The following MVB12B variants were observed in gnomAD, a reference collection of about 807,000 sequenced individuals.
MVB12B encodes ESCRT-I complex subunit MVB12B.
MVB12B carries 16 observed loss-of-function variants against 41.6 expected under a neutral mutation model. The observed-to-expected ratio is 0.38, with a 90% CI of 0.26 to 0.58. The LOEUF is 0.58. Among genes scored for constraint, MVB12B ranks in the 20% least tolerant of loss-of-function variants. The pLI is 0.62. For missense variants in MVB12B, 274 were observed against 380.2 expected (o/e 0.72, Z 2.32); for synonymous variants, 133 against 139.7 (o/e 0.95, Z 0.34).
At chr9:126,339,065 CAG>C (rs1024993902) in intron 1 of MVB12B, among the ~76,000 whole-genome samples, 5 of 152,158 alleles carry the variant, frequency 3.3e-5, no homozygotes, top group Non-Finnish European at 7.3e-5. Context: ...TTGTTGTAAA[CAG>C]AAGAGGAGAC....
intron 2 of MVB12B, among the ~76,000 whole-genome samples, chr9:126,354,439 A>G (rs530327427): frequency 6.6e-6 from 1 of 152,344 alleles, no homozygotes; most frequent in Non-Finnish European, 1.5e-5. Context: ...TGCTAAAACT[A>G]GGAGGTGATA....
Position 126,441,278 on chromosome 9 carries a change from T to G in MVB12B, c.757+19330T>G, listed in dbSNP as rs1035689321. On this transcript the variant is annotated intron_variant, in intron 7 of 9. Coordinates refer to ENST00000361171, the MANE Select transcript of MVB12B (RefSeq NM_033446.3). The stretch of plus-strand genomic sequence containing the variant: ...GAAGGCGAAACAAAAGGGAGCATAA[T>G]AGAGAGAGGCACGGATCCCAGAGCT... Among the ~76,000 whole-genome samples, 9 of 152,184 alleles carry G rather than the reference T, an allele frequency of 5.9e-5. No homozygotes were observed. In the East Asian group the frequency reaches 1.7e-3, roughly 29 times the overall value.
In MVB12B at chr9:126,473,673, A is replaced by G. The variant is rs1460836174; in HGVS notation, c.758-7696A>G. ...CAGATCTCGCGAGGACTCACTCGCT[A>G]TCACAAGGACAGCACCACGGGGAAG... On this transcript the variant is annotated intron_variant, in intron 7 of 9. Transcript: ENST00000361171. The surrounding 1 kb of genome is among the most constrained non-coding windows in gnomAD (Gnocchi z 4.0). Among the ~76,000 whole-genome samples, 2 of 152,222 alleles carry G rather than the reference A, an allele frequency of 1.3e-5. No individual in the cohort carries two copies. The highest frequency in any genetic ancestry group is 2.9e-5 in the Non-Finnish European group (2 of 68,034).
At chr9:126,428,531 A>G (rs1166137875) in intron 7 of MVB12B, among the ~76,000 whole-genome samples, 1 of 152,138 alleles carries the variant, frequency 6.6e-6, no homozygotes, top group African/African-American at 2.4e-5. Flanking sequence ...GGGAAATTGA[A>G]AATAAACTTA....
rs573631718 is a variant in MVB12B at position 126,503,691 on chromosome 9, C to T, written c.*428C>T. 5.5e-5 allele frequency: 11 copies of T among 199,116 alleles called. No individual in the cohort carries two copies. Among genetic ancestry groups the T allele is most frequent in the African/African-American group, 2.6e-4 (11 of 42,780 alleles). 12.3% of individuals were successfully genotyped at this position (199,116 alleles called of 1,614,324 possible). The stretch of plus-strand genomic sequence containing the variant: ...CCGTTGAGTCTCTTCCTGGAAGACC[C>T]TGAGGGCCGGCAGCTTTGCCTAGGA... On this transcript the variant is annotated 3_prime_UTR_variant, in exon 10 of 10. Transcript: ENST00000361171.
chr9:126,336,825 C>T (rs780220637), intron 1 of MVB12B, among the ~76,000 whole-genome samples: 33 of 152,118 alleles, frequency 2.2e-4, no homozygotes, highest in Non-Finnish European at 3.5e-4. Flanking sequence ...GCAGACAACA[C>T]TGCCTGAACT....
chr9:126,375,397 G>GGTGC (rs774462136), intron 2 of MVB12B, among the ~76,000 whole-genome samples: 3 of 59,290 alleles, frequency 5.1e-5, no homozygotes, highest in Non-Finnish European at 9.8e-5. Context: ...AATAGCCTTA[G>GGTGC]GTGCATTGTT....
Position 126,503,505 on chromosome 9 carries a change from A to C in MVB12B, c.*242A>C. The stretch of plus-strand genomic sequence containing the variant: ...CTAATCTGTGTGTGCTGTAGTGACC[A>C]GCGGCTCCTAACGTGTCTGTGTGAT... On this transcript the variant is annotated 3_prime_UTR_variant, in exon 10 of 10. Coordinates refer to ENST00000361171, the MANE Select transcript of MVB12B (RefSeq NM_033446.3). The C allele has an allele frequency of 1.8e-6, 1 of 558,410 alleles. No individual in the cohort carries two copies. Among genetic ancestry groups the C allele is most frequent in the Non-Finnish European group, 3.2e-6 (1 of 313,884 alleles). 34.6% of individuals were successfully genotyped at this position (558,410 alleles called of 1,614,324 possible). A position where few individuals can be genotyped will look rare whatever the true frequency, so the allele number is the denominator to read the frequency against.
rs932955173 is a variant in MVB12B at position 126,392,702 on chromosome 9, G to A, written c.539+507G>A. 3.1e-4 allele frequency among the ~76,000 whole-genome samples: 47 copies of A among 152,358 alleles called. No homozygotes were observed. Among genetic ancestry groups the A allele is most frequent in the African/African-American group, 1.0e-3 (43 of 41,586 alleles). ...CAATGATGGAGTGGGGGCCTCTTCCGTGAGGGGGTCAGGAAGGTGACACTT... is the reference window on the plus strand; with the variant it reads ...CAATGATGGAGTGGGGGCCTCTTCCATGAGGGGGTCAGGAAGGTGACACTT... On this transcript the variant is annotated intron_variant, in intron 5 of 9. Coordinates refer to ENST00000361171, the MANE Select transcript of MVB12B (RefSeq NM_033446.3). This position sits in a 1 kb window ranked among gnomAD's most constrained non-coding sequence, Gnocchi z 4.8.
chr9:126,480,325 C>T lies in MVB12B; in HGVS notation c.758-1044C>T, dbSNP rs1219959193. Among the ~76,000 whole-genome samples the T allele has an allele frequency of 2.0e-5, 3 of 152,210 alleles. No individual in the cohort carries two copies. The highest frequency in any genetic ancestry group is 7.2e-5 in the African/African-American group (3 of 41,446). On this transcript the variant is annotated intron_variant, in intron 7 of 9. Coordinates refer to ENST00000361171, the MANE Select transcript of MVB12B (RefSeq NM_033446.3). This position sits in a 1 kb window ranked among gnomAD's most constrained non-coding sequence, Gnocchi z 4.9. The stretch of plus-strand genomic sequence containing the variant: ...AGGCCCCTACCACTGTCCCAGCAGC[C>T]GCATGGCTGCCACGTTGGCTCTGTG...
At chr9:126,488,103 C>T (rs1588208483) in intron 9 of MVB12B, among the ~76,000 whole-genome samples, 2 of 152,082 alleles carry the variant, frequency 1.3e-5, no homozygotes, top group Non-Finnish European at 1.5e-5. Context: ...CGGCATTGCT[C>T]GTGGGAGTTG....
intron 2 of MVB12B, among the ~76,000 whole-genome samples, chr9:126,372,474 C>A (rs1345960332): frequency 1.3e-5 from 2 of 152,212 alleles, no homozygotes; most frequent in Non-Finnish European, 2.9e-5. Flanking sequence ...TGGCTGCACC[C>A]TGTTACAATC....
chr9:126,354,005 A>G (rs893288056), intron 2 of MVB12B, among the ~76,000 whole-genome samples: 2 of 152,194 alleles, frequency 1.3e-5, no homozygotes, highest in Admixed American at 6.5e-5. Flanking sequence ...TGTCCATACC[A>G]TTACCCTTTA....
intron 6 of MVB12B, among the ~76,000 whole-genome samples, chr9:126,417,959 G>A (rs1185847750): frequency 6.6e-6 from 1 of 152,172 alleles, no homozygotes; most frequent in Non-Finnish European, 1.5e-5. Context: ...TCAGGCCTAG[G>A]CATGAGAAAA....
chr9:126,481,827 A>G (rs570831178), intron 8 of MVB12B, among the ~76,000 whole-genome samples: 1 of 152,354 alleles, frequency 6.6e-6, no homozygotes, highest in Admixed American at 6.5e-5. Flanking sequence ...TCCCAAGTCC[A>G]ACTTAGTAAG....
At chr9:126,337,637 G>A (rs1052326487) in intron 1 of MVB12B, among the ~76,000 whole-genome samples, 3 of 152,186 alleles carry the variant, frequency 2.0e-5, no homozygotes, top group African/African-American at 7.2e-5. Flanking sequence ...CACCTCCCAG[G>A]TTTGATGTGA....
rs577601484 is a variant in MVB12B at position 126,444,507 on chromosome 9, C to T, written c.757+22559C>T. ...TACTCGAGACCTTTGCCTGTCTGTC[C>T]GCAGCATCTCTTCCATTGCAGTCTT... On this transcript the variant is annotated intron_variant, in intron 7 of 9. Transcript: ENST00000361171. Among the ~76,000 whole-genome samples the T allele has an allele frequency of 1.5e-4, 23 of 152,178 alleles. No individual in the cohort carries two copies. In the South Asian group the frequency reaches 2.9e-3, roughly 19 times the overall value.
At chr9:126,454,327 C>T (rs1832937927) in intron 7 of MVB12B, among the ~76,000 whole-genome samples, 1 of 152,250 alleles carries the variant, frequency 6.6e-6, no homozygotes, top group Non-Finnish European at 1.5e-5. Context: ...AGCTCACAAC[C>T]ACCAATAGTG....
intron 2 of MVB12B, among the ~76,000 whole-genome samples, chr9:126,350,918 A>G (rs574102062): frequency 1.4e-4 from 21 of 152,338 alleles, no homozygotes; most frequent in Non-Finnish European, 2.8e-4. Flanking sequence ...CTATATCTAC[A>G]AAAAACTTGT....
Sources: allele counts gnomAD v4.1 joint callset (sites outside exome capture counted in the v4.1 genomes callset), GRCh38; gene constraint gnomAD v4.1.1; non-coding constraint Gnocchi (gnomAD v3.1); transcripts MANE v1.5; gene names NCBI Gene and HGNC (gene_info 2026-07-23, HGNC 2026-07-21).